PHACTR3: variants seen among roughly 807,000 people sequenced by gnomAD.
The protein encoded by PHACTR3 is protein phosphatase 1, regulatory subunit 123.
Under a neutral mutation model 66.8 loss-of-function variants are expected in PHACTR3, and 16 were observed. The observed-to-expected ratio is 0.24, with a 90% CI of 0.16 to 0.36. The LOEUF (loss-of-function observed/expected upper bound fraction) is 0.36, where lower values mean the gene tolerates loss of function less well. Among genes scored for constraint, PHACTR3 ranks in the 10% least tolerant of loss-of-function variants. The pLI is 1.00. For synonymous variants in PHACTR3, 323 were observed against 292.1 expected (o/e 1.11, Z -1.08); for missense variants, 647 against 719.9 (o/e 0.90, Z 1.16).
At chr20:59,757,277 C>T (rs1454474588) in intron 4 of PHACTR3, among the ~76,000 whole-genome samples, 2 of 152,224 alleles carry the variant, frequency 1.3e-5, no homozygotes, top group Non-Finnish European at 2.9e-5. Flanking sequence ...TGTGCCTGCT[C>T]CCCTCAGTGC....
At chr20:59,660,029 A>G (rs1202704171) in intron 1 of PHACTR3, among the ~76,000 whole-genome samples, 2 of 152,098 alleles carry the variant, frequency 1.3e-5, no homozygotes, top group Admixed American at 1.3e-4. Flanking sequence ...GCCTTCAATA[A>G]TTGAATGTCC....
chr20:59,636,324 A>G (rs576987778), intron 1 of PHACTR3, among the ~76,000 whole-genome samples: 1 of 152,334 alleles, frequency 6.6e-6, no homozygotes, highest in South Asian at 2.1e-4. Flanking sequence ...ATGAGGGCCT[A>G]CTATGAGCTT....
intron 1 of PHACTR3, among the ~76,000 whole-genome samples, chr20:59,596,735 G>A (rs2033335180): frequency 6.6e-6 from 1 of 152,210 alleles, no homozygotes; most frequent in African/African-American, 2.4e-5. Flanking sequence ...GTCCTTCCAA[G>A]CTCTGCTCAG....
At position 59,749,716 on chromosome 20, in the gene PHACTR3, CAA is replaced by C. The variant is rs540489793; in HGVS notation, c.358+1884_358+1885del. 4.9e-3 allele frequency among the ~76,000 whole-genome samples: 743 copies of C among 152,304 alleles called. 8 individuals carry two copies. The highest frequency in any genetic ancestry group is 0.016 in the African/African-American group (678 of 41,582). ...TTTGTAGCGCAAAGGCAGCCGGAGA[CAA>C]AACATGCATGAGAGGGCATGGCTGT... On this transcript the variant is annotated intron_variant, in intron 3 of 12. Coordinates refer to ENST00000371015, the MANE Select transcript of PHACTR3 (RefSeq NM_080672.5).
intron 1 of PHACTR3, among the ~76,000 whole-genome samples, chr20:59,647,697 G>A (rs1471365946): frequency 6.6e-6 from 1 of 152,118 alleles, no homozygotes; most frequent in African/African-American, 2.4e-5. Flanking sequence ...ATCACATACA[G>A]CCACACACAC....
At chr20:59,673,193 C>T (rs2146513032) in intron 1 of PHACTR3, among the ~76,000 whole-genome samples, 1 of 152,302 alleles carries the variant, frequency 6.6e-6, no homozygotes, top group East Asian at 1.9e-4. Context: ...TATCTGTGGG[C>T]ATGGCAGGAG....
intron 1 of PHACTR3, among the ~76,000 whole-genome samples, chr20:59,663,904 T>C (rs545635125): frequency 2.4e-4 from 37 of 152,346 alleles, no homozygotes; most frequent in African/African-American, 7.9e-4. Context: ...ACTGAAGGCA[T>C]TATGTATAAC....
At chr20:59,840,550 G>A (rs1353531164) in intron 10 of PHACTR3, 120 bp downstream of exon 10, 4 of 1,406,730 alleles carry the variant, frequency 2.8e-6, no homozygotes, top group East Asian at 4.9e-5. Context: ...TGTTCTCCTG[G>A]ACATCATGGC....
intron 1 of PHACTR3, among the ~76,000 whole-genome samples, chr20:59,740,092 C>T (rs544020431): frequency 5.9e-5 from 9 of 152,196 alleles, no homozygotes; most frequent in East Asian, 3.9e-4. Context: ...CAGGCAGTGA[C>T]CAGCGTTTAC....
chr20:59,829,998 C>T lies in PHACTR3; in HGVS notation c.1329-6507C>T, dbSNP rs2042304996. Among the ~76,000 whole-genome samples, 1 of 151,736 alleles carries T rather than the reference C, an allele frequency of 6.6e-6. No individual in the cohort carries two copies. Among genetic ancestry groups the T allele is most frequent in the African/African-American group, 2.4e-5 (1 of 40,968 alleles). On this transcript the variant is annotated intron_variant, in intron 8 of 12. Transcript: ENST00000371015. This position sits in a 1 kb window ranked among gnomAD's most constrained non-coding sequence, Gnocchi z 4.2. Reference sequence around the variant, plus strand: ...TCCTTCCACTTCCTGAAATTACCTGCAGCCCCTGCTGCTGTGCTCATCATG... The same window carrying T: ...TCCTTCCACTTCCTGAAATTACCTGTAGCCCCTGCTGCTGTGCTCATCATG...
intron 1 of PHACTR3, among the ~76,000 whole-genome samples, chr20:59,728,568 G>GTTATTATTA (rs113368944): frequency 1.3e-5 from 2 of 151,598 alleles, no homozygotes; most frequent in Non-Finnish European, 2.9e-5. Flanking sequence ...ATTACCTTTT[G>GTTATTATTA]TTATTATTAT....
intron 7 of PHACTR3, among the ~76,000 whole-genome samples, chr20:59,790,524 C>G (rs148804319): frequency 1.3e-5 from 2 of 152,326 alleles, no homozygotes; most frequent in African/African-American, 2.4e-5. Context: ...AAAACAAACA[C>G]TAACCTAAGT....
chr20:59,682,811 T>C (rs1309163139), intron 1 of PHACTR3, among the ~76,000 whole-genome samples: 1 of 152,020 alleles, frequency 6.6e-6, no homozygotes, highest in Non-Finnish European at 1.5e-5. Flanking sequence ...GAGGAGCCCG[T>C]GGTGGCTGGA....
chr20:59,707,692 T>G (rs1207089594), intron 1 of PHACTR3, among the ~76,000 whole-genome samples: 1 of 152,032 alleles, frequency 6.6e-6, no homozygotes, highest in Non-Finnish European at 1.5e-5. Flanking sequence ...CTTGAACTCC[T>G]GAGCAAAAAA....
At chr20:59,747,643 C>T (rs1950095054) in intron 2 of PHACTR3, 115 bp from the exon 3 acceptor site, 2 of 1,217,614 alleles carry the variant, frequency 1.6e-6, no homozygotes, top group Non-Finnish European at 2.3e-6. Context: ...CCCCGAGGCG[C>T]CTGCTAGCTC....
intron 4 of PHACTR3, among the ~76,000 whole-genome samples, chr20:59,760,629 A>G (rs1030225041): frequency 6.6e-6 from 1 of 152,160 alleles, no homozygotes; most frequent in Non-Finnish European, 1.5e-5. Flanking sequence ...ATATGGAACT[A>G]TGAGTCCATT....
At chr20:59,589,306 G>A (rs1057223929) in intron 1 of PHACTR3, among the ~76,000 whole-genome samples, 16 of 152,174 alleles carry the variant, frequency 1.1e-4, no homozygotes, top group Admixed American at 9.8e-4. Context: ...CCCCAAATGC[G>A]AAATCCCGAT....
At chr20:59,652,069 C>T (rs2035477089) in intron 1 of PHACTR3, among the ~76,000 whole-genome samples, 4 of 152,146 alleles carry the variant, frequency 2.6e-5, no homozygotes, top group Admixed American at 2.6e-4. Flanking sequence ...GGTAATGTAA[C>T]TTCCAGTCTA....
At chr20:59,587,747 T>TGGAGCC (rs1600868390) in intron 1 of PHACTR3, among the ~76,000 whole-genome samples, 1 of 151,274 alleles carries the variant, frequency 6.6e-6, no homozygotes, top group South Asian at 2.1e-4. Context: ...GAGCTGGGGC[T>TGGAGCC]GGAGCCGGGG....
Sources: allele counts gnomAD v4.1 joint callset (sites outside exome capture counted in the v4.1 genomes callset), GRCh38; gene constraint gnomAD v4.1.1; non-coding constraint Gnocchi (gnomAD v3.1); transcripts MANE v1.5; gene names NCBI Gene and HGNC (gene_info 2026-07-23, HGNC 2026-07-21).